DLGAP2: variants seen among roughly 807,000 people sequenced by gnomAD.
DLGAP2 encodes the protein disks large-associated protein 2.
In DLGAP2, 26 loss-of-function variants were observed where a neutral mutation model predicts 100.3. The ratio of observed to expected loss-of-function variants is 0.26; its 90% confidence interval spans 0.19 to 0.36. The LOEUF (loss-of-function observed/expected upper bound fraction) is 0.36. Ranked by LOEUF, DLGAP2 falls within the 10% of genes least tolerant of loss-of-function variation. The pLI is 1.00. For synonymous variants in DLGAP2, 886 were observed against 630.1 expected, an observed-to-expected ratio of 1.41 and a Z score of -6.08; for missense variants, 1,858 against 1,453.2, an observed-to-expected ratio of 1.28 and a Z score of -4.53.
In DLGAP2 at chr8:1,037,456, C is replaced by T. The variant is rs111510196; in HGVS notation, c.73+129490C>T. Among the ~76,000 whole-genome samples the T allele has an allele frequency of 4.2e-3, 643 of 152,260 alleles. 7 individuals carry two copies. The highest frequency in any genetic ancestry group is 0.015 in the African/African-American group (608 of 41,556). Reference sequence around the variant, plus strand: ...CAGCTCCTGCACCCCCAGGGCCTGGCGGTGGCCTGGCTGCTGTGCACTGAA... The same window carrying T: ...CAGCTCCTGCACCCCCAGGGCCTGGTGGTGGCCTGGCTGCTGTGCACTGAA... On this transcript the variant is annotated intron_variant, in intron 2 of 14. Coordinates refer to ENST00000637795, the MANE Select transcript of DLGAP2 (RefSeq NM_001346810.2).
At chr8:1,143,772 C>T (rs973337343) in intron 2 of DLGAP2, among the ~76,000 whole-genome samples, 1 of 152,222 alleles carries the variant, frequency 6.6e-6, no homozygotes, top group Non-Finnish European at 1.5e-5. Context: ...CAACAGTCAC[C>T]AGCACCTCTG....
chr8:1,039,773 G>T (rs1241493803), intron 2 of DLGAP2, among the ~76,000 whole-genome samples: 1 of 139,978 alleles, frequency 7.1e-6, no homozygotes, highest in Middle Eastern at 5.1e-3. Flanking sequence ...GGTGTGTGTG[G>T]TTGGCTCGGT....
At chr8:1,460,124 C>G (rs902065137) in intron 3 of DLGAP2, among the ~76,000 whole-genome samples, 1 of 152,200 alleles carries the variant, frequency 6.6e-6, no homozygotes, top group African/African-American at 2.4e-5. Flanking sequence ...GGACTCGGTT[C>G]TGCGGCCCCG....
chr8:1,172,557 A>G (rs1033183688), intron 2 of DLGAP2, among the ~76,000 whole-genome samples: 2 of 152,134 alleles, frequency 1.3e-5, no homozygotes. Flanking sequence ...ACATAGTCCC[A>G]TATTTCTTGG....
intron 1 of DLGAP2, among the ~76,000 whole-genome samples, chr8:904,181 A>T (rs1358389383): frequency 6.6e-6 from 1 of 152,210 alleles, no homozygotes; most frequent in Non-Finnish European, 1.5e-5. Context: ...GGACAGTGTG[A>T]CCGGGCACCC....
At chr8:1,162,889 G>C (rs1029824402) in intron 2 of DLGAP2, among the ~76,000 whole-genome samples, 1 of 152,234 alleles carries the variant, frequency 6.6e-6, no homozygotes, top group African/African-American at 2.4e-5. Context: ...AGAGGGTGCT[G>C]GGCTGGGGTC....
intron 3 of DLGAP2, among the ~76,000 whole-genome samples, chr8:1,493,512 A>G (rs1337958889): frequency 2.6e-5 from 4 of 152,138 alleles, no homozygotes; most frequent in Non-Finnish European, 5.9e-5. Flanking sequence ...AGAGGGACGG[A>G]CCCCAGGGAA....
chr8:779,305 C>T (rs1406873197), intron 1 of DLGAP2, among the ~76,000 whole-genome samples: 1 of 152,202 alleles, frequency 6.6e-6, no homozygotes, highest in African/African-American at 2.4e-5. Context: ...CGTCTTCTGC[C>T]TTGCTCATGC....
intron 4 of DLGAP2, among the ~76,000 whole-genome samples, chr8:1,533,844 C>G (rs1475946659): frequency 6.6e-6 from 1 of 152,292 alleles, no homozygotes; most frequent in South Asian, 2.1e-4. Context: ...GTTGTCCCAG[C>G]TCCTCAGGAG....
At chr8:1,276,248 C>T (rs944656666) in intron 3 of DLGAP2, among the ~76,000 whole-genome samples, 2 of 151,404 alleles carry the variant, frequency 1.3e-5, no homozygotes, top group Non-Finnish European at 2.9e-5. Context: ...ATATTTCTTT[C>T]ATAACAACCT....
At chr8:1,335,167 G>A (rs1323805097) in intron 3 of DLGAP2, among the ~76,000 whole-genome samples, 1 of 152,172 alleles carries the variant, frequency 6.6e-6, no homozygotes, top group Non-Finnish European at 1.5e-5. Flanking sequence ...GATTTCTTGG[G>A]AGCGACAAAG....
At chr8:762,299 G>C (rs112717008) in intron 1 of DLGAP2, among the ~76,000 whole-genome samples, 7 of 152,316 alleles carry the variant, frequency 4.6e-5, no homozygotes, top group African/African-American at 1.7e-4. Flanking sequence ...GAATATCTTT[G>C]TCAAACTCTT....
rs113329956 is a variant in DLGAP2 at position 865,853 on chromosome 8, G to A, written c.19-42059G>A. Among the ~76,000 whole-genome samples, 103 of 152,300 alleles carry A rather than the reference G, an allele frequency of 6.8e-4. 1 individual carries two copies. The highest frequency in any genetic ancestry group is 2.3e-3 in the African/African-American group (97 of 41,578). On this transcript the variant is annotated intron_variant, in intron 1 of 14. Coordinates refer to ENST00000637795, the MANE Select transcript of DLGAP2 (RefSeq NM_001346810.2). Reference sequence around the variant, plus strand: ...TGAGCTTGCCCCCTCAGAGAGAGGTGTGGTCTGCGGCTCACAGCAGGGCAG... The same window carrying A: ...TGAGCTTGCCCCCTCAGAGAGAGGTATGGTCTGCGGCTCACAGCAGGGCAG...
At chr8:907,062 A>G (rs1798395753) in intron 1 of DLGAP2, among the ~76,000 whole-genome samples, 1 of 152,186 alleles carries the variant, frequency 6.6e-6, no homozygotes. Context: ...CCAGACTGAA[A>G]GTCGATCGAG....
Position 1,335,899 on chromosome 8 carries a change from G to A in DLGAP2, c.106+77016G>A, listed in dbSNP as rs760678349. Among the ~76,000 whole-genome samples, 18 of 151,576 alleles carry A rather than the reference G, an allele frequency of 1.2e-4. 2 individuals carry two copies. In the South Asian group the frequency reaches 1.9e-3, roughly 16 times the overall value. ...GAGCCGGGGCTGCGCGTGGTGACGCGGGAGGCATCAGGACCCTAGAGCCGG... is the reference window on the plus strand; with the variant it reads ...GAGCCGGGGCTGCGCGTGGTGACGCAGGAGGCATCAGGACCCTAGAGCCGG... On this transcript the variant is annotated intron_variant, in intron 3 of 14. Transcript: ENST00000637795.
intron 1 of DLGAP2, among the ~76,000 whole-genome samples, chr8:784,032 G>C (rs188140070): frequency 6.6e-6 from 1 of 152,246 alleles, no homozygotes; most frequent in East Asian, 1.9e-4. Flanking sequence ...GTTCCATCCA[G>C]GTATTAATGC....
At chr8:1,332,761 T>A (rs79672938) in intron 3 of DLGAP2, among the ~76,000 whole-genome samples, 2,276 of 152,294 alleles carry the variant, frequency 0.015, 59 homozygotes, top group African/African-American at 0.053. Context: ...GGAAAAGCCA[T>A]TGAGGCTGCA....
At chr8:974,815 T>C (rs1283711175) in intron 2 of DLGAP2, among the ~76,000 whole-genome samples, 1 of 152,130 alleles carries the variant, frequency 6.6e-6, no homozygotes, top group African/African-American at 2.4e-5. Context: ...CCAAAATCAA[T>C]CATCTAAACT....
chr8:1,415,534 C>G (rs150348698), intron 3 of DLGAP2, among the ~76,000 whole-genome samples: 5 of 152,252 alleles, frequency 3.3e-5, no homozygotes, highest in Non-Finnish European at 7.3e-5. Flanking sequence ...CTATGTTTAG[C>G]CTCCACTTAT....
Sources: allele counts gnomAD v4.1 joint callset (sites outside exome capture counted in the v4.1 genomes callset), GRCh38; gene constraint gnomAD v4.1.1; transcripts MANE v1.5; gene names NCBI Gene and HGNC (gene_info 2026-07-23, HGNC 2026-07-21).